PRPSAP2: variants seen among roughly 807,000 people sequenced by gnomAD.
PRPSAP2 encodes the protein phosphoribosyl pyrophosphate synthase-associated protein 2.
Under a neutral mutation model 40.6 loss-of-function variants are expected in PRPSAP2, and 24 were observed. The observed-to-expected ratio is 0.59, with a 90% CI of 0.43 to 0.83. The LOEUF (loss-of-function observed/expected upper bound fraction) is 0.83, where lower values mean the gene tolerates loss of function less well. Ranked by LOEUF, PRPSAP2 falls within the 40% of genes least tolerant of loss-of-function variation. The pLI is 0.00. For missense variants in PRPSAP2, 292 were observed against 465.6 expected, an observed-to-expected ratio of 0.63 and a Z score of 3.43; for synonymous variants, 149 against 164.7, an observed-to-expected ratio of 0.90 and a Z score of 0.73.
At chr17:18,919,490 A>G (rs1186091252) in intron 9 of PRPSAP2, among the ~76,000 whole-genome samples, 1 of 151,746 alleles carries the variant, frequency 6.6e-6, no homozygotes, top group East Asian at 1.9e-4. Context: ...CCTGGGCAAC[A>G]CAGTGAGACT....
At chr17:18,896,513 G>A (rs967896105) in intron 8 of PRPSAP2, among the ~76,000 whole-genome samples, 19 of 151,192 alleles carry the variant, frequency 1.3e-4, no homozygotes, top group Admixed American at 7.3e-4. Context: ...CTGGGTAAGC[G>A]CATGTTCTTT....
At chr17:18,914,544 G>A (rs1462286437) in intron 9 of PRPSAP2, among the ~76,000 whole-genome samples, 1 of 151,738 alleles carries the variant, frequency 6.6e-6, no homozygotes, top group East Asian at 1.9e-4. Flanking sequence ...ATAGGCCTGA[G>A]CCATTGCATC....
chr17:18,895,005 T>C (rs1418400657), intron 8 of PRPSAP2, among the ~76,000 whole-genome samples: 2 of 152,034 alleles, frequency 1.3e-5, no homozygotes, highest in Non-Finnish European at 2.9e-5. Context: ...TCCATGAACA[T>C]GGGATATCAT....
intron 9 of PRPSAP2, among the ~76,000 whole-genome samples, chr17:18,920,560 A>G (rs1277106266): frequency 6.6e-6 from 1 of 152,168 alleles, no homozygotes; most frequent in Non-Finnish European, 1.5e-5. Context: ...GACACCCTAC[A>G]TAGAATACTT....
rs1325035676 is a variant in PRPSAP2 at position 18,923,993 on chromosome 17, AC to A, written c.804+11del. On this transcript the variant is annotated intron_variant, in intron 10 of 11. Transcript: ENST00000268835. ...GGATTGCCATCATCGTGGTATGTAG[AC>A]CTCTTTTATTATTAATTCTAGTATT... 5 of 1,600,550 alleles carry A rather than the reference AC, an allele frequency of 3.1e-6. No individual in the cohort carries two copies. The highest frequency in any genetic ancestry group is 4.3e-6 in the Non-Finnish European group (5 of 1,169,298).
At chr17:18,920,133 A>T (rs1482895042) in intron 9 of PRPSAP2, among the ~76,000 whole-genome samples, 1 of 152,144 alleles carries the variant, frequency 6.6e-6, no homozygotes, top group Non-Finnish European at 1.5e-5. Context: ...GGCTGGGACC[A>T]TTGGTGAGAT....
At position 18,885,429 on chromosome 17, in the gene PRPSAP2, A is replaced by AAAAAAAAAAAAAT. The variant is rs59891086; in HGVS notation, c.528+2746_528+2747insAAAAAAAAAAAAT. On this transcript the variant is annotated intron_variant, in intron 7 of 11. Transcript: ENST00000268835. Reference sequence around the variant, plus strand: ...AAAAAAAAAAAAAAAAAAAAAAAAAATTAATATGTGGGAACTCAGTGTTAA... The same window carrying AAAAAAAAAAAAAT: ...AAAAAAAAAAAAAAAAAAAAAAAAAAAAAAAAAAAAAATTTAATATGTGGGAACTCAGTGTTAA... 5.5e-5 allele frequency among the ~76,000 whole-genome samples: 6 copies of AAAAAAAAAAAAAT among 109,306 alleles called. 1 individual carries two copies. The highest frequency in any genetic ancestry group is 1.0e-4 in the Admixed American group (1 of 9,578). 71.7% of individuals were successfully genotyped at this position (109,306 alleles called of 152,430 possible). A position where few individuals can be genotyped will look rare whatever the true frequency, so the allele number is the denominator to read the frequency against.
In PRPSAP2 at chr17:18,889,800, C is replaced by T. The variant is rs775307402; in HGVS notation, c.529-22C>T. 1.9e-5 allele frequency: 31 copies of T among 1,597,846 alleles called. No homozygotes were observed. In the South Asian group the frequency reaches 2.4e-4, roughly 12 times the overall value. Reference sequence around the variant, plus strand: ...TCCTTTTTGTTGACATGCAGTAATACCTGACTTCTTGTCTGTCACAGATCC... The same window carrying T: ...TCCTTTTTGTTGACATGCAGTAATATCTGACTTCTTGTCTGTCACAGATCC... On this transcript the variant is annotated intron_variant, in intron 7 of 11. Coordinates refer to ENST00000268835, the MANE Select transcript of PRPSAP2 (RefSeq NM_002767.4).
chr17:18,874,931 G>C (rs1393226448), intron 5 of PRPSAP2, among the ~76,000 whole-genome samples: 2 of 152,214 alleles, frequency 1.3e-5, no homozygotes, highest in Admixed American at 1.3e-4. Flanking sequence ...TAAATGCACA[G>C]AGGTTGTGTG....
chr17:18,877,920 T>G, intron 6 of PRPSAP2, 50 bp downstream of exon 6: 6 of 1,508,760 alleles, frequency 4.0e-6, no homozygotes, highest in Non-Finnish European at 5.4e-6. Flanking sequence ...GGAGTTTTAT[T>G]TATTTATTCT....
At position 18,930,822 on chromosome 17, in the gene PRPSAP2, T is replaced by G; in HGVS notation, c.*124T>G. 3.3e-6 allele frequency: 3 copies of G among 900,290 alleles called. No homozygotes were observed. Among genetic ancestry groups the G allele is most frequent in the Non-Finnish European group, 4.6e-6 (3 of 650,634 alleles). The allele number at this position is 900,290 out of a possible 1,614,324, so 55.8% of individuals were successfully genotyped here. ...TCTCCCCTGTAACCTCACTTCTTAT[T>G]GATTCCTAAGAAGATAGACCAACTT... On this transcript the variant is annotated 3_prime_UTR_variant, in exon 12 of 12. Coordinates refer to ENST00000268835, the MANE Select transcript of PRPSAP2 (RefSeq NM_002767.4).
At chr17:18,858,676 C>G (rs1269901389) in intron 1 of PRPSAP2, 1 of 152,108 alleles carries the variant, frequency 6.6e-6, no homozygotes, top group Non-Finnish European at 1.5e-5. Context: ...TCTCTCACCT[C>G]CTAAAGGATG....
intron 11 of PRPSAP2, among the ~76,000 whole-genome samples, chr17:18,929,172 C>G (rs900125957): frequency 6.6e-6 from 1 of 152,088 alleles, no homozygotes; most frequent in Non-Finnish European, 1.5e-5. Context: ...GCCTGGCCAA[C>G]AGGGTGAAAC....
chr17:18,874,830 G>T (rs117186753), intron 5 of PRPSAP2, among the ~76,000 whole-genome samples: 1 of 152,182 alleles, frequency 6.6e-6, no homozygotes, highest in Non-Finnish European at 1.5e-5. Context: ...GGGAAGGGGC[G>T]GGCACAGAAC....
At chr17:18,893,642 C>G (rs1012571455) in intron 8 of PRPSAP2, among the ~76,000 whole-genome samples, 1 of 151,656 alleles carries the variant, frequency 6.6e-6, no homozygotes, top group African/African-American at 2.4e-5. Flanking sequence ...GTGGTTCTAG[C>G]TACTTGGGTG....
intron 10 of PRPSAP2, chr17:18,928,453 C>A: frequency 3.5e-6 from 1 of 287,570 alleles, no homozygotes; most frequent in Non-Finnish European, 6.9e-6. Flanking sequence ...TTTTTCTGTG[C>A]ATTAAAAACA....
At chr17:18,880,067 G>C (rs2038616937) in intron 6 of PRPSAP2, among the ~76,000 whole-genome samples, 1 of 152,074 alleles carries the variant, frequency 6.6e-6, no homozygotes, top group African/African-American at 2.4e-5. Flanking sequence ...TTGCACTCCA[G>C]CCTGGGCAAC....
At chr17:18,866,139 A>G (rs1394663757) in intron 3 of PRPSAP2, among the ~76,000 whole-genome samples, 187 bp downstream of exon 3, 2 of 151,644 alleles carry the variant, frequency 1.3e-5, no homozygotes, top group Non-Finnish European at 2.9e-5. Flanking sequence ...TCTCATCTGT[A>G]TATATTAAGG....
intron 8 of PRPSAP2, among the ~76,000 whole-genome samples, chr17:18,906,110 C>T (rs541055655): frequency 1.3e-5 from 2 of 152,174 alleles, no homozygotes. Flanking sequence ...AGTCTTGCTC[C>T]TGTGAAGGTT....
Sources: allele counts gnomAD v4.1 joint callset (sites outside exome capture counted in the v4.1 genomes callset), GRCh38; gene constraint gnomAD v4.1.1; transcripts MANE v1.5; gene names NCBI Gene and HGNC (gene_info 2026-07-23, HGNC 2026-07-21).